ADGRG4: variants seen among roughly 807,000 people sequenced by gnomAD.
ADGRG4 encodes G protein-coupled receptor 112.
A neutral mutation model predicts 126.2 loss-of-function variants in ADGRG4; 122 were observed. The ratio of observed to expected loss-of-function variants is 0.97; its 90% CI spans 0.83 to 1.12. ADGRG4 has a LOEUF of 1.12. Among genes scored for constraint, ADGRG4 ranks in the 50% most tolerant of loss-of-function variants. The pLI, the probability that ADGRG4 is intolerant of heterozygous loss-of-function variation, is 0.00. For synonymous variants in ADGRG4, 943 were observed against 838.7 expected (o/e 1.12, Z -2.15); for missense variants, 2,481 against 2,251.8 (o/e 1.10, Z -2.06).
At position 136,345,081 on chromosome X, in the gene ADGRG4, ACTCATGTTGGGACTGCATCATCATTCC is replaced by A. The variant is rs1172946084; in HGVS notation, c.1377_1403del (p.His460_Pro468del). 7.4e-6 allele frequency: 9 copies of A among 1,210,114 alleles called. No homozygotes were observed. Among genetic ancestry groups the A allele is most frequent in the South Asian group, 1.8e-5 (1 of 56,916 alleles). On this transcript the variant is annotated inframe_deletion, in exon 6 of 26. Coordinates refer to ENST00000394143, the MANE Select transcript of ADGRG4 (RefSeq NM_153834.4). The stretch of plus-strand genomic sequence containing the variant: ...AGTGGAAAAGACTTCACCTGCATCT[ACTCATGTTGGGACTGCATCATCATTCC>A]CACCTGAGCCTGTGCTCATCTCCAC...
At chrX:136,376,230 G>A (rs2075224420) in intron 15 of ADGRG4, among the ~76,000 whole-genome samples, 1 of 111,274 alleles carries the variant, frequency 9.0e-6, no homozygotes, top group African/African-American at 3.3e-5. Context: ...TTTATTTCTG[G>A]GTTTTCTATT....
intron 5 of ADGRG4, among the ~76,000 whole-genome samples, chrX:136,342,412 A>T (rs1407899636): frequency 9.0e-6 from 1 of 111,707 alleles, no homozygotes; most frequent in Non-Finnish European, 1.9e-5. Flanking sequence ...AAAGATGAGG[A>T]CTCTGTCCAT....
chrX:136,327,170 A>G (rs1041250647), intron 5 of ADGRG4, among the ~76,000 whole-genome samples: 1 of 111,660 alleles, frequency 9.0e-6, no homozygotes, highest in African/African-American at 3.2e-5. Context: ...ATGAAATATC[A>G]AGTAAAACCT....
At chrX:136,303,894 G>T (rs777736202) in intron 1 of ADGRG4, among the ~76,000 whole-genome samples, 12 of 110,469 alleles carry the variant, frequency 1.1e-4, no homozygotes, top group Non-Finnish European at 1.9e-4. Context: ...CTTTTCTAGT[G>T]TTAGAAACAG....
Position 136,393,532 on chromosome X carries a change from C to T in ADGRG4, c.8035-3C>T. On this transcript the variant is annotated splice_region_variant and splice_polypyrimidine_tract_variant and intron_variant, in intron 17 of 25. Coordinates refer to ENST00000394143, the MANE Select transcript of ADGRG4 (RefSeq NM_153834.4). ...TGTTTACCTCTGATTTCTTTTTTTCCAGAATTATGGTCAAGTTCACTGTGC... is the reference window on the plus strand; with the variant it reads ...TGTTTACCTCTGATTTCTTTTTTTCTAGAATTATGGTCAAGTTCACTGTGC... 1 of 1,196,286 alleles carries T rather than the reference C, an allele frequency of 8.4e-7. No individual in the cohort carries two copies. Among genetic ancestry groups the T allele is most frequent in the Non-Finnish European group, 1.1e-6 (1 of 884,853 alleles).
chrX:136,357,680 C>T, intron 9 of ADGRG4, 24 bp from the exon 10 acceptor site: 1 of 1,112,695 alleles, frequency 9.0e-7, no homozygotes, highest in Middle Eastern at 2.5e-4. Context: ...ATTTCAGTGA[C>T]TATGTACTTT....
chrX:136,341,502 A>G (rs777642115), intron 5 of ADGRG4, among the ~76,000 whole-genome samples: 4 of 112,011 alleles, frequency 3.6e-5, no homozygotes, highest in Non-Finnish European at 5.6e-5. Context: ...ACCCACCTAC[A>G]AAATTGGAAA....
At chrX:136,311,780 G>GA (rs895675133) in intron 4 of ADGRG4, among the ~76,000 whole-genome samples, 6 of 111,393 alleles carry the variant, frequency 5.4e-5, no homozygotes, top group Non-Finnish European at 9.4e-5. Context: ...GAGTGTAGAG[G>GA]TAAAGAAATT....
chrX:136,344,151 A>G (rs1189389026), intron 5 of ADGRG4, among the ~76,000 whole-genome samples: 1 of 111,464 alleles, frequency 9.0e-6, no homozygotes, highest in Non-Finnish European at 1.9e-5. Context: ...ATGTTTATAT[A>G]TTTTATGAAG....
chrX:136,348,399 A>G lies in ADGRG4; in HGVS notation c.4693A>G (p.Ile1565Val). The G allele has an allele frequency of 1.7e-6, 2 of 1,209,228 alleles. No individual in the cohort carries two copies. The highest frequency in any genetic ancestry group is 2.2e-6 in the Non-Finnish European group (2 of 893,538). ...TSGPMSEMSS[I>V]PVNNSAFTPA... Reference sequence around the variant, plus strand: ...TGGGCCTATGTCTGAGATGTCCTCAATACCAGTTAATAACTCTGCTTTCAC... The same window carrying G: ...TGGGCCTATGTCTGAGATGTCCTCAGTACCAGTTAATAACTCTGCTTTCAC... The change falls in exon 6 of 26, where the codon ATA becomes GTA. Residue 1565 changes from isoleucine (I) to valine (V), a missense_variant. Coordinates refer to ENST00000394143, the MANE Select transcript of ADGRG4 (RefSeq NM_153834.4).
In ADGRG4 at chrX:136,372,884, A is replaced by T; in HGVS notation, c.7614-18A>T. ...TTTAAAAGGTAGGATGCTCTTCTCCATCTGTGGTTTCTTGCAGAATTCTGA... is the reference window on the plus strand; with the variant it reads ...TTTAAAAGGTAGGATGCTCTTCTCCTTCTGTGGTTTCTTGCAGAATTCTGA... On this transcript the variant is annotated intron_variant, in intron 14 of 25. Transcript: ENST00000394143. The T allele has an allele frequency of 9.9e-6, 12 of 1,208,972 alleles. No individual in the cohort carries two copies. Among genetic ancestry groups the T allele is most frequent in the Non-Finnish European group, 1.3e-5 (12 of 892,810 alleles).
rs753837135 is a variant in ADGRG4, at chrX:136,345,290, A to G, written c.1584A>G (p.Thr528=). The G allele has an allele frequency of 1.7e-6, 2 of 1,210,875 alleles. No individual in the cohort carries two copies. The highest frequency in any genetic ancestry group is 2.2e-6 in the Non-Finnish European group (2 of 894,795). The change falls in exon 6 of 26, where the codon ACA becomes ACG. Residue 528 remains threonine (T), a synonymous_variant. Coordinates refer to ENST00000394143, the MANE Select transcript of ADGRG4 (RefSeq NM_153834.4). ...CAAGGACAGCTGAAACAGAATTGAC[A>G]TCTACAAATTTTCAGGATGTCTCTT... is the stretch of plus-strand genomic sequence containing the variant. The part of the protein sequence containing the change: ...PAPRTAETEL[T]STNFQDVSLP...
At chrX:136,416,395 T>C in intron 25 of ADGRG4, 59 bp from the exon 26 acceptor site, 1 of 951,950 alleles carries the variant, frequency 1.1e-6, no homozygotes, top group Non-Finnish European at 1.5e-6. Flanking sequence ...CTTATGCTTC[T>C]ACTATGTGCA....
intron 8 of ADGRG4, among the ~76,000 whole-genome samples, chrX:136,354,426 G>C (rs1441792498): frequency 1.8e-5 from 2 of 111,289 alleles, no homozygotes; most frequent in African/African-American, 6.5e-5. Flanking sequence ...CTTCTTATAA[G>C]GGTACTGTTT....
intron 4 of ADGRG4, among the ~76,000 whole-genome samples, chrX:136,316,773 C>T (rs759535919): frequency 3.0e-4 from 33 of 110,891 alleles, no homozygotes; most frequent in Middle Eastern, 4.7e-3. Context: ...TGGCCTTACT[C>T]ACTGACTTTT....
At chrX:136,384,892 A>AT (rs1334822316) in intron 15 of ADGRG4, among the ~76,000 whole-genome samples, 31 of 105,579 alleles carry the variant, frequency 2.9e-4, no homozygotes, top group South Asian at 4.0e-4. Flanking sequence ...ATGCCTGGGC[A>AT]TTTTTTTTTT....
chrX:136,363,435 G>A (rs1176922368), intron 12 of ADGRG4, 42 bp from the exon 13 acceptor site: 3 of 877,692 alleles, frequency 3.4e-6, no homozygotes, highest in Non-Finnish European at 3.4e-6. Flanking sequence ...GACTATCTTT[G>A]CCTCATCCTC....
chrX:136,345,506 C>T lies in ADGRG4; in HGVS notation c.1800C>T (p.Ser600=). The change falls in exon 6 of 26, where the codon TCC becomes TCT. Residue 600 remains serine, a synonymous_variant. Transcript: ENST00000394143. The part of the protein sequence containing the change: ...LASTVAETML[S]STITGRVYTQ... ...CTACAGTGGCTGAAACTATGCTTTC[C>T]TCCACAATCACAGGACGAGTTTACA... 2.5e-6 allele frequency: 3 copies of T among 1,210,801 alleles called. No homozygotes were observed. Among genetic ancestry groups the T allele is most frequent in the Non-Finnish European group, 3.4e-6 (3 of 894,878 alleles).
At chrX:136,326,847 G>T (rs193090071) in intron 5 of ADGRG4, among the ~76,000 whole-genome samples, 1 of 110,789 alleles carries the variant, frequency 9.0e-6, no homozygotes, top group East Asian at 2.8e-4. Flanking sequence ...TGAGTACATT[G>T]CTAGGTTACA....
Sources: allele counts gnomAD v4.1 joint callset (sites outside exome capture counted in the v4.1 genomes callset), GRCh38; gene constraint gnomAD v4.1.1; transcripts MANE v1.5; gene names NCBI Gene and HGNC (gene_info 2026-07-23, HGNC 2026-07-21).